Variants in KCMF1 observed in about 807,000 individuals in gnomAD.
KCMF1 encodes the protein E3 ubiquitin-protein ligase KCMF1.
In KCMF1, 3 loss-of-function variants were observed where a neutral mutation model predicts 41.1. That is an observed-to-expected ratio of 0.07 (90% CI 0.03 to 0.19). The LOEUF (loss-of-function observed/expected upper bound fraction) is 0.19, where lower values mean the gene tolerates loss of function less well. Ranked by LOEUF, KCMF1 falls within the 10% of genes least tolerant of loss-of-function variation. The probability of loss-of-function intolerance (pLI) is 1.00; values close to 1 mark genes in which losing one functional copy is unlikely to be tolerated. For synonymous variants in KCMF1, 142 were observed against 164.5 expected (o/e 0.86, Z 1.04); for missense variants, 286 against 488.9 (o/e 0.58, Z 3.91).
At chr2:84,995,399 G>A (rs1042949261) in intron 1 of KCMF1, among the ~76,000 whole-genome samples, 2 of 152,054 alleles carry the variant, frequency 1.3e-5, no homozygotes, top group African/African-American at 4.8e-5. Flanking sequence ...CTTGATTCAG[G>A]TTTTTGTCTT....
In KCMF1 at chr2:85,058,593, C is replaced by T. The variant is rs1232353858; in HGVS notation, c.*5184C>T. ...AGAAACCATCAGTTCGCTGCTCTCTCATTCATACATACTTTTTGAGTTCCC... is the reference window on the plus strand; with the variant it reads ...AGAAACCATCAGTTCGCTGCTCTCTTATTCATACATACTTTTTGAGTTCCC... On this transcript the variant is annotated 3_prime_UTR_variant, in exon 7 of 7. Transcript: ENST00000409785. The T allele has an allele frequency of 6.6e-6, 1 of 152,198 alleles. No homozygotes were observed. Among genetic ancestry groups the T allele is most frequent in the Non-Finnish European group, 1.5e-5 (1 of 68,026 alleles). The allele number at this position is 152,198 out of a possible 1,614,324, so 9.4% of individuals were successfully genotyped here.
chr2:84,973,783 C>T (rs1573999099), intron 1 of KCMF1, among the ~76,000 whole-genome samples: 1 of 145,044 alleles, frequency 6.9e-6, no homozygotes. Flanking sequence ...AATCCCATTT[C>T]TTTCAGCATT....
At chr2:84,974,144 G>A (rs1291841342) in intron 1 of KCMF1, among the ~76,000 whole-genome samples, 1 of 152,028 alleles carries the variant, frequency 6.6e-6, no homozygotes, top group Non-Finnish European at 1.5e-5. Context: ...TTTCTTTAGT[G>A]GTGTAATTTT....
At chr2:85,041,550 C>G (rs1675536172) in intron 3 of KCMF1, among the ~76,000 whole-genome samples, 1 of 152,140 alleles carries the variant, frequency 6.6e-6, no homozygotes, top group African/African-American at 2.4e-5. Context: ...ACCCGAAGGC[C>G]AATCTAAAGG....
chr2:85,043,288 A>G (rs1454511533), intron 3 of KCMF1, among the ~76,000 whole-genome samples: 1 of 152,054 alleles, frequency 6.6e-6, no homozygotes, highest in Non-Finnish European at 1.5e-5. Flanking sequence ...TTTAATGGAA[A>G]CTATTTTGCT....
chr2:85,008,291 T>TATATAATATATAATATGATATATATACC (rs1486177880), intron 1 of KCMF1, among the ~76,000 whole-genome samples: 1 of 14,624 alleles, frequency 6.8e-5, no homozygotes, highest in Non-Finnish European at 1.7e-4. Context: ...TGATATATAA[T>TATATAATATATAATATGATATATATACC]ATATATAATA....
intron 1 of KCMF1, among the ~76,000 whole-genome samples, chr2:85,024,553 TGAGAGAGAGAGA>T (rs377478206): frequency 0.012 from 1,673 of 141,750 alleles, 23 homozygotes; most frequent in African/African-American, 0.04. Flanking sequence ...ATTTGGAGAG[TGAGAGAGAGAGA>T]GAGAGAGAGA....
At chr2:85,022,254 T>C (rs1674964547) in intron 1 of KCMF1, among the ~76,000 whole-genome samples, 1 of 152,114 alleles carries the variant, frequency 6.6e-6, no homozygotes, top group Non-Finnish European at 1.5e-5. Flanking sequence ...GGCAGATTGC[T>C]TGAGTCCAGG....
intron 1 of KCMF1, among the ~76,000 whole-genome samples, chr2:84,993,657 C>T (rs187449272): frequency 6.6e-6 from 1 of 151,238 alleles, no homozygotes; most frequent in Non-Finnish European, 1.5e-5. Context: ...CTCACTGCAC[C>T]CTCCACCTCC....
intron 1 of KCMF1, among the ~76,000 whole-genome samples, chr2:85,008,490 A>G (rs1464999381): frequency 7.1e-6 from 1 of 141,046 alleles, no homozygotes; most frequent in Non-Finnish European, 1.6e-5. Flanking sequence ...TATATCTTAT[A>G]TATATTTAGC....
At chr2:84,971,502 G>C in intron 1 of KCMF1, 35 bp downstream of exon 1, 1 of 1,186,410 alleles carries the variant, frequency 8.4e-7, no homozygotes. Context: ...CGCACCTCCC[G>C]GGCCTCGGCC....
intron 1 of KCMF1, among the ~76,000 whole-genome samples, chr2:85,003,347 G>A (rs182168818): frequency 0.015 from 2,338 of 152,078 alleles, 30 homozygotes; most frequent in South Asian, 0.063. Flanking sequence ...GCGTGGTGGC[G>A]GGCACCTGTA....
chr2:85,032,927 T>C (rs897039389), intron 2 of KCMF1, among the ~76,000 whole-genome samples: 26 of 152,236 alleles, frequency 1.7e-4, no homozygotes, highest in Non-Finnish European at 3.5e-4. Context: ...TCATTTACTC[T>C]GGATAGATCC....
intron 1 of KCMF1, among the ~76,000 whole-genome samples, chr2:84,990,712 TAGAA>T (rs1367216231): frequency 6.6e-6 from 1 of 152,020 alleles, no homozygotes; most frequent in East Asian, 1.9e-4. Context: ...GTTGCTGTTT[TAGAA>T]AGGATGATCA....
At chr2:84,995,518 T>G (rs1376560792) in intron 1 of KCMF1, among the ~76,000 whole-genome samples, 1 of 152,242 alleles carries the variant, frequency 6.6e-6, no homozygotes, top group Non-Finnish European at 1.5e-5. Context: ...TCTCAGTGGG[T>G]TCAGATGTCA....
At chr2:85,028,442 C>A (rs947801403) in intron 2 of KCMF1, among the ~76,000 whole-genome samples, 1 of 150,382 alleles carries the variant, frequency 6.6e-6, no homozygotes, top group Non-Finnish European at 1.5e-5. Context: ...GACTCAGCCG[C>A]CCAAAGTGCT....
chr2:85,035,319 A>T (rs1191648797), intron 3 of KCMF1, among the ~76,000 whole-genome samples, 164 bp downstream of exon 3: 1 of 152,204 alleles, frequency 6.6e-6, no homozygotes, highest in Non-Finnish European at 1.5e-5. Context: ...ACATCATGGG[A>T]GGCTGCATTT....
At chr2:84,981,651 T>C (rs546858409) in intron 1 of KCMF1, among the ~76,000 whole-genome samples, 2 of 152,276 alleles carry the variant, frequency 1.3e-5, no homozygotes, top group African/African-American at 4.8e-5. Flanking sequence ...GTATATTTGA[T>C]TATAATTTAT....
chr2:84,985,718 A>C (rs1574006909), intron 1 of KCMF1, among the ~76,000 whole-genome samples: 2 of 152,252 alleles, frequency 1.3e-5, no homozygotes, highest in South Asian at 4.1e-4. Context: ...AATCCCAGCT[A>C]CTGGGGAGAC....
Sources: gnomAD v4.1 joint callset for allele counts (sites outside exome capture counted in the v4.1 genomes callset) on GRCh38, gnomAD v4.1.1 for gene constraint, MANE v1.5 for transcripts, NCBI Gene and HGNC (gene_info 2026-07-23, HGNC 2026-07-21) for gene names.